The following SEL1L3 variants were observed in gnomAD, a reference collection of about 807,000 sequenced individuals.
The protein encoded by SEL1L3 is protein sel-1 homolog 3.
In SEL1L3, 76 loss-of-function variants were observed where a neutral mutation model predicts 142.8. The ratio of observed to expected loss-of-function variants is 0.53; its 90% CI spans 0.44 to 0.64. SEL1L3 has a LOEUF of 0.64. Ranked by LOEUF, SEL1L3 falls within the 30% of genes least tolerant of loss-of-function variation. SEL1L3 has a pLI of 0.00. For missense variants in SEL1L3, 1,262 were observed against 1,381.7 expected (o/e 0.91, Z 1.37); for synonymous variants, 504 against 519.6 (o/e 0.97, Z 0.41).
intron 11 of SEL1L3, among the ~76,000 whole-genome samples, chr4:25,793,685 G>A (rs550185769): frequency 4.6e-5 from 7 of 152,238 alleles, no homozygotes; most frequent in Admixed American, 6.5e-5. Flanking sequence ...CCTTGGGCTC[G>A]TTACTTTATC....
chr4:25,809,769 T>G (rs903291434), intron 9 of SEL1L3, among the ~76,000 whole-genome samples: 2 of 152,226 alleles, frequency 1.3e-5, no homozygotes, highest in South Asian at 2.1e-4. Context: ...GTATGCTTTT[T>G]TAAAAAAGGT....
chr4:25,859,475 G>A (rs1381225371), intron 1 of SEL1L3, among the ~76,000 whole-genome samples: 5 of 152,140 alleles, frequency 3.3e-5, no homozygotes, highest in Admixed American at 1.3e-4. Context: ...AGGTTACTCC[G>A]TCCCAGCCTA....
intron 9 of SEL1L3, among the ~76,000 whole-genome samples, chr4:25,805,902 G>A (rs1238335882): frequency 6.6e-6 from 1 of 152,140 alleles, no homozygotes; most frequent in Non-Finnish European, 1.5e-5. Flanking sequence ...TGTAAATAAC[G>A]TTGATGTAAA....
chr4:25,823,963 C>A (rs1208033546), intron 6 of SEL1L3, among the ~76,000 whole-genome samples: 1 of 152,160 alleles, frequency 6.6e-6, no homozygotes, highest in Non-Finnish European at 1.5e-5. Flanking sequence ...AAGCACACAG[C>A]CTGGCAGCAA....
chr4:25,822,076 C>T lies in SEL1L3; in HGVS notation c.1210G>A (p.Gly404Arg). Residue 404 changes from glycine (G) to arginine (R), a missense_variant, in exon 7 of 24, where the codon GGG (glycine) becomes AGG (arginine). Around this residue, in one of 3 missense-constraint regions of SEL1L3, gnomAD observed 689 missense variants for 692.8 expected, o/e 0.99. Transcript: ENST00000399878. Reference protein sequence around the residue: ...NDTAGYFIIGGSRYVAGIEGF... With the variant: ...NDTAGYFIIGRSRYVAGIEGF... Reference sequence around the variant, plus strand: ...TCAATGCCAGCCACATACCTGCTCCCTCCAATAATGAAGTACCCAGCTGTG... The same window carrying T: ...TCAATGCCAGCCACATACCTGCTCCTTCCAATAATGAAGTACCCAGCTGTG... The T allele has an allele frequency of 6.2e-7, 1 of 1,613,958 alleles. No individual in the cohort carries two copies. Among genetic ancestry groups the T allele is most frequent in the Non-Finnish European group, 8.5e-7 (1 of 1,179,852 alleles).
chr4:25,759,169 TTTA>T, intron 20 of SEL1L3, 101 bp from the exon 21 acceptor site: 7 of 1,318,698 alleles, frequency 5.3e-6, no homozygotes, highest in African/African-American at 1.5e-5. Context: ...TAAAATTTTT[TTTA>T]AGTCTCTAGA....
chr4:25,862,598 G>T, intron 1 of SEL1L3, 77 bp downstream of exon 1: 1 of 740,888 alleles, frequency 1.3e-6, no homozygotes, highest in Non-Finnish European at 1.8e-6. Context: ...CCGCGTGGCG[G>T]GTGTCCCCGG....
chr4:25,831,618 C>T (rs539265617), intron 5 of SEL1L3, among the ~76,000 whole-genome samples: 165 of 151,260 alleles, frequency 1.1e-3, no homozygotes, highest in Middle Eastern at 6.8e-3. Flanking sequence ...CTCCGCCTCC[C>T]GGATTCAAGC....
the SEL1L3 span, among the ~76,000 whole-genome samples, chr4:25,715,343 T>C: frequency 6.6e-6 from 1 of 152,128 alleles, no homozygotes; most frequent in Non-Finnish European, 1.5e-5. Flanking sequence ...AAAAATTATA[T>C]TTTTTAAAAA....
intron 21 of SEL1L3, among the ~76,000 whole-genome samples, chr4:25,758,667 T>C (rs552861856): frequency 6.6e-6 from 1 of 150,844 alleles, no homozygotes; most frequent in African/African-American, 2.4e-5. Flanking sequence ...TTTTCTTTCT[T>C]TTCTTTCTTT....
chr4:25,797,250 C>T (rs73103965), intron 11 of SEL1L3, among the ~76,000 whole-genome samples: 9,351 of 151,972 alleles, frequency 0.062, 969 homozygotes, highest in African/African-American at 0.21. Context: ...TCGGCAGCCC[C>T]ACATTTTCCA....
At chr4:25,839,516 C>T (rs1259152104) in intron 2 of SEL1L3, among the ~76,000 whole-genome samples, 1 of 152,150 alleles carries the variant, frequency 6.6e-6, no homozygotes, top group African/African-American at 2.4e-5. Flanking sequence ...AGAATGAGGT[C>T]GGCAGCATGT....
At chr4:25,780,799 T>A (rs901503260) in intron 15 of SEL1L3, among the ~76,000 whole-genome samples, 6 of 138,122 alleles carry the variant, frequency 4.3e-5, no homozygotes, top group African/African-American at 1.1e-4. Flanking sequence ...ATAAATAAAA[T>A]ATATATAAAT....
chr4:25,782,261 C>T lies in SEL1L3; in HGVS notation c.2438G>A (p.Gly813Glu). 2 of 1,613,778 alleles carry T rather than the reference C, an allele frequency of 1.2e-6. No individual in the cohort carries two copies. Among genetic ancestry groups the T allele is most frequent in the Non-Finnish European group, 1.7e-6 (2 of 1,179,748 alleles). The change falls in exon 15 of 24, where the codon GGA becomes GAA. Residue 813 changes from glycine (G) to glutamate (E), a missense_variant. By Grantham distance (98) the Gly-to-Glu change is moderately conservative. Around this residue, in one of 3 missense-constraint regions of SEL1L3, gnomAD observed 435 missense variants for 559.2 expected, o/e 0.78. Coordinates refer to ENST00000399878, the MANE Select transcript of SEL1L3 (RefSeq NM_015187.5). ...GVLHLDGIFP[G>E]VPGRNQTLAG... ...ACTCACTTGATTCCTTCCAGGAACT[C>T]CAGGGAAGATGCCATCCAAATGCAG...
intron 9 of SEL1L3, among the ~76,000 whole-genome samples, chr4:25,815,451 T>C (rs1221659774): frequency 2.0e-5 from 3 of 152,232 alleles, no homozygotes; most frequent in Admixed American, 6.5e-5. Flanking sequence ...CAAATCATTC[T>C]AAATTCTTAT....
intron 1 of SEL1L3, among the ~76,000 whole-genome samples, chr4:25,851,152 A>G (rs1414117116): frequency 1.3e-5 from 2 of 152,172 alleles, no homozygotes; most frequent in Non-Finnish European, 2.9e-5. Flanking sequence ...TGCCCAGCCC[A>G]GGTTTTGAAA....
chr4:25,786,856 T>C (rs1039287658), intron 13 of SEL1L3, among the ~76,000 whole-genome samples: 3 of 152,194 alleles, frequency 2.0e-5, no homozygotes, highest in Non-Finnish European at 4.4e-5. Flanking sequence ...CAACAACCAA[T>C]AGGTTTTCAG....
chr4:25,724,462 C>T, the SEL1L3 span, among the ~76,000 whole-genome samples: 2 of 151,780 alleles, frequency 1.3e-5, no homozygotes, highest in African/African-American at 4.8e-5. Context: ...AAAAAAAAGG[C>T]CAGGTACAGT....
chr4:25,790,730 GGGAAGGAAGGAAGGAA>G lies in SEL1L3; in HGVS notation c.1957-172_1957-157del, dbSNP rs1204001705. Among the ~76,000 whole-genome samples the G allele has an allele frequency of 6.3e-5, 7 of 111,404 alleles. 2 individuals are homozygous for G. The highest frequency in any genetic ancestry group is 7.8e-4 in the South Asian group (2 of 2,554). The allele number at this position is 111,404 out of a possible 152,430, so 73.1% of individuals were successfully genotyped here. A position where few individuals can be genotyped will look rare whatever the true frequency, so the allele number is the denominator to read the frequency against. On this transcript the variant is annotated intron_variant, in intron 11 of 23. Transcript: ENST00000399878. ...AAGAAAAGAAGGAGAGAGGGAGGGA[GGGAAGGAAGGAAGGAA>G]GGAAGGAAGGAAGAAAGGAAGGGAG... is the stretch of plus-strand genomic sequence containing the variant.
Sources: allele counts gnomAD v4.1 joint callset (sites outside exome capture counted in the v4.1 genomes callset), GRCh38; gene constraint gnomAD v4.1.1; regional missense constraint gnomAD v4.1.1; transcripts MANE v1.5; gene names NCBI Gene and HGNC (gene_info 2026-07-23, HGNC 2026-07-21).